MUS81: variants seen among roughly 807,000 people sequenced by gnomAD.
MUS81 encodes the protein structure-specific endonuclease subunit MUS81.
In MUS81, 69 loss-of-function variants were observed where a neutral mutation model predicts 74.2. The ratio of observed to expected loss-of-function variants is 0.93; its 90% CI spans 0.77 to 1.14. The LOEUF is 1.14. MUS81 is among the 50% of genes most tolerant of loss of function. MUS81 has a pLI of 0.00. For synonymous variants in MUS81, 303 were observed against 300.6 expected, an observed-to-expected ratio of 1.01 and a Z score of -0.08; for missense variants, 711 against 726.5, an observed-to-expected ratio of 0.98 and a Z score of 0.25.
Position 65,860,770 on chromosome 11 carries a change from G to T in MUS81, c.17G>T (p.Arg6Leu), listed in dbSNP as rs1859559407. 1.3e-6 allele frequency: 2 copies of T among 1,535,134 alleles called. No homozygotes were observed. Among genetic ancestry groups the T allele is most frequent in the Admixed American group, 2.0e-5 (1 of 50,880 alleles). ...CTCGGGCTCATGGCGGCCCCGGTCC[G>T]CCTGGGCCGGAAGCGCCCGCTGCCT... is the stretch of plus-strand genomic sequence containing the variant. MAAPVRLGRKRPLPAC... is the reference protein window; with the variant it reads MAAPVLLGRKRPLPAC... Residue 6 changes from arginine (R) to leucine (L), a missense_variant, in exon 1 of 16, where the codon CGC (arginine) becomes CTC (leucine). Transcript: ENST00000308110.
intron 7 of MUS81, 22 bp from the exon 8 acceptor site, chr11:65,863,388 C>T: frequency 6.2e-7 from 1 of 1,613,722 alleles, no homozygotes; most frequent in Non-Finnish European, 8.5e-7. Flanking sequence ...TCTGGCCTCA[C>T]ATACCAACAC....
rs762548707 is a variant in MUS81 at position 65,863,952 on chromosome 11, T to G, written c.1059+51T>G. The G allele has an allele frequency of 1.1e-5, 18 of 1,587,700 alleles. No individual in the cohort carries two copies. The African/African-American group carries it at 2.1e-4, about 19-fold the overall frequency. On this transcript the variant is annotated intron_variant, in intron 10 of 15. Transcript: ENST00000308110. ...TCCCTGCCTGCTCCGAAGCCCCGTTTTCAGCCCAGAGCAATCCAGGGGCAC... is the reference window on the plus strand; with the variant it reads ...TCCCTGCCTGCTCCGAAGCCCCGTTGTCAGCCCAGAGCAATCCAGGGGCAC...
chr11:65,863,964 C>G, intron 10 of MUS81, 63 bp downstream of exon 10: 4 of 1,536,908 alleles, frequency 2.6e-6, no homozygotes, highest in Non-Finnish European at 3.6e-6. Context: ...CAGCCCAGAG[C>G]AATCCAGGGG....
downstream of MUS81, chr11:65,867,631 GA>G: frequency 1.7e-6 from 1 of 594,556 alleles, no homozygotes; most frequent in Non-Finnish European, 3.0e-6. Context: ...GATCAATATG[GA>G]AAACCAGTAC....
intron 2 of MUS81, 113 bp downstream of exon 2, chr11:65,861,215 C>G: frequency 1.3e-6 from 2 of 1,565,124 alleles, no homozygotes; most frequent in African/African-American, 2.7e-5. Flanking sequence ...AGTTGCCGTT[C>G]GGCCTAGGGC....
Position 65,864,770 on chromosome 11 carries a change from C to T in MUS81, c.1227C>T (p.Ala409=), listed in dbSNP as rs111825534. 250 of 1,613,938 alleles carry T rather than the reference C, an allele frequency of 1.5e-4. No homozygotes were observed. In the African/African-American group the frequency reaches 2.6e-3, roughly 17 times the overall value. The change falls in exon 12 of 16, where the codon GCC becomes GCT. Residue 409 remains alanine, a synonymous_variant. Coordinates refer to ENST00000308110, the MANE Select transcript of MUS81 (RefSeq NM_025128.5). ...VKRTADIKES[A]AYLALLTRGL... ...GCACAGCAGACATTAAGGAGTCAGC[C>T]GCCTACCTGGCCCTCTTGACGCGGG...
At chr11:65,861,767 C>T (rs774721459) in intron 3 of MUS81, 180 bp from the exon 4 acceptor site, 68 of 636,290 alleles carry the variant, frequency 1.1e-4, no homozygotes, top group Non-Finnish European at 1.7e-4. Context: ...CCCACTGCCC[C>T]GAAACTGCCT....
chr11:65,866,519 CAG>C, downstream of MUS81: 2 of 702,840 alleles, frequency 2.8e-6, no homozygotes, highest in Non-Finnish European at 2.6e-6. Context: ...CAGTTTGAGG[CAG>C]AGTTAGGAAT....
In MUS81 at chr11:65,862,448, C is replaced by T. The variant is rs751209049; in HGVS notation, c.524C>T (p.Ala175Val). ...GGTCTCTTTTCTGATCCACAGGTAG[C>T]CCCTGGGAGTGCTCGACCCTGGCCA... The part of the protein sequence containing the change: ...QRCAQKSPRV[A>V]PGSARPWPAL... Residue 175 changes from alanine to valine, a missense_variant, in exon 6 of 16, where the codon GCC becomes GTC. By Grantham distance (64) the Ala-to-Val change is moderately conservative. Coordinates refer to ENST00000308110, the MANE Select transcript of MUS81 (RefSeq NM_025128.5). 6.2e-7 allele frequency: 1 copy of T among 1,613,320 alleles called. No individual in the cohort carries two copies. The highest frequency in any genetic ancestry group is 8.5e-7 in the Non-Finnish European group (1 of 1,179,392).
chr11:65,867,160 C>T, downstream of MUS81: 1 of 1,571,398 alleles, frequency 6.4e-7, no homozygotes, highest in East Asian at 2.3e-5. Flanking sequence ...CCTCCCTGCC[C>T]CGTGGCCGTG....
upstream of MUS81, chr11:65,860,264 T>C (rs973114129): frequency 2.2e-6 from 1 of 456,754 alleles, no homozygotes; most frequent in African/African-American, 2.0e-5. Context: ...CCAGTCTCCA[T>C]CTCCAGCCTC....
At position 65,863,424 on chromosome 11, in the gene MUS81, G is replaced by T; in HGVS notation, c.761G>T (p.Gly254Val). 6.2e-7 allele frequency: 1 copy of T among 1,614,146 alleles called. No individual in the cohort carries two copies. The highest frequency in any genetic ancestry group is 1.1e-5 in the South Asian group (1 of 91,084). Residue 254 changes from glycine to valine, a missense_variant, in exon 8 of 16, where the codon GGG becomes GTG. Physicochemically the swap from Gly to Val is moderately radical, Grantham distance 109. Coordinates refer to ENST00000308110, the MANE Select transcript of MUS81 (RefSeq NM_025128.5). ...AASAELASEAGVQQQPLELRP... is the reference protein window; with the variant it reads ...AASAELASEAVVQQQPLELRP... ...CCCCCACTTAGTGCCAGTGAAGCAG[G>T]GGTCCAGCAGCAGCCACTGGAGCTG...
intron 3 of MUS81, chr11:65,861,660 G>A (rs1184872089): frequency 3.3e-6 from 2 of 603,030 alleles, no homozygotes; most frequent in Non-Finnish European, 5.9e-6. Flanking sequence ...TCCCAGCTCA[G>A]TTAGTTACGG....
rs1046965114 is a variant in MUS81, at chr11:65,866,418, TA to T, written c.*370del. ...AATAATAAAAATAAATAAAACTTCC[TA>T]AAAGAAAAGATTGAAAACCACTAAC... On this transcript the variant is annotated 3_prime_UTR_variant, in exon 16 of 16. Transcript: ENST00000308110. 2.2e-5 allele frequency: 14 copies of T among 648,182 alleles called. No individual in the cohort carries two copies. Among genetic ancestry groups the T allele is most frequent in the Admixed American group, 5.4e-5 (2 of 36,778 alleles). The allele number at this position is 648,182 out of a possible 1,614,324, so 40.2% of individuals were successfully genotyped here.
chr11:65,867,451 A>T, downstream of MUS81: 1 of 420,794 alleles, frequency 2.4e-6, no homozygotes, highest in South Asian at 2.2e-5. Flanking sequence ...TACTAGACAA[A>T]CCCCTTCTCC....
At chr11:65,861,611 C>A in intron 3 of MUS81, 176 bp downstream of exon 3, 1 of 616,552 alleles carries the variant, frequency 1.6e-6, no homozygotes, top group Non-Finnish European at 2.8e-6. Flanking sequence ...ATATTGGTAA[C>A]AGCCAATGAG....
chr11:65,865,199 C>A (rs1859779100), intron 13 of MUS81, 21 bp from the exon 14 acceptor site: 2 of 1,613,998 alleles, frequency 1.2e-6, no homozygotes, highest in Admixed American at 3.3e-5. Context: ...CCCCACTGAT[C>A]CAGCCCTTTC....
At position 65,862,258 on chromosome 11, in the gene MUS81, G is replaced by A. The variant is rs527610391; in HGVS notation, c.498G>A (p.Arg166=). The stretch of plus-strand genomic sequence containing the variant: ...TAACCAAGGAGGAGCTGCTGCAGAG[G>A]TGTGCTCAGAAGTCCCCCAGGGTGA... ...HFLTKEELLQ[R]CAQKSPRVAP... The change falls in exon 5 of 16, where the codon AGG becomes AGA. Residue 166 remains arginine (R), a synonymous_variant. Coordinates refer to ENST00000308110, the MANE Select transcript of MUS81 (RefSeq NM_025128.5). The A allele has an allele frequency of 1.9e-5, 31 of 1,613,694 alleles. No individual in the cohort carries two copies. The Admixed American group carries it at 3.5e-4, about 18-fold the overall frequency.
Position 65,865,297 on chromosome 11 carries a change from G to A in MUS81, c.1479G>A (p.Leu493=). The change falls in exon 14 of 16, where the codon CTG becomes CTA. Residue 493 remains leucine, a synonymous_variant. Transcript: ENST00000308110. ...RGVSGEKAAA[L]VDRYSTPASL... ...TGAGTGGGGAGAAGGCAGCAGCCCT[G>A]GTGGATCGATACAGCACCCCTGCCA... 1 of 1,614,062 alleles carries A rather than the reference G, an allele frequency of 6.2e-7. No homozygotes were observed. Among genetic ancestry groups the A allele is most frequent in the Non-Finnish European group, 8.5e-7 (1 of 1,179,978 alleles).
Sources: gnomAD v4.1 joint callset for allele counts on GRCh38, gnomAD v4.1.1 for gene constraint, MANE v1.5 for transcripts, NCBI Gene and HGNC (gene_info 2026-07-23, HGNC 2026-07-21) for gene names.